INPP5A: variants seen among roughly 807,000 people sequenced by gnomAD.
INPP5A encodes 43 kDa inositol polyphosphate 5-phophatase.
A neutral mutation model predicts 65.2 loss-of-function variants in INPP5A; 14 were observed. The observed-to-expected ratio is 0.21, with a 90% CI of 0.14 to 0.34. INPP5A has a LOEUF of 0.34. Among genes scored for constraint, INPP5A ranks in the 10% least tolerant of loss-of-function variants. The pLI, the probability that INPP5A is intolerant of heterozygous loss-of-function variation, is 1.00. For missense variants in INPP5A, 431 were observed against 545.6 expected (o/e 0.79, Z 2.09); for synonymous variants, 207 against 208.3 (o/e 0.99, Z 0.05).
chr10:132,680,286 A>G (rs1177511195), intron 4 of INPP5A, among the ~76,000 whole-genome samples: 1 of 152,236 alleles, frequency 6.6e-6, no homozygotes, highest in Non-Finnish European at 1.5e-5. Context: ...TGAGTCAGAA[A>G]GGGGTTTGAA....
intron 5 of INPP5A, among the ~76,000 whole-genome samples, chr10:132,694,259 C>T (rs1335028685): frequency 6.6e-6 from 1 of 152,136 alleles, no homozygotes; most frequent in African/African-American, 2.4e-5. Flanking sequence ...GAACATTAAA[C>T]AACACATATC....
At chr10:132,751,804 T>C (rs1279847277) in intron 11 of INPP5A, among the ~76,000 whole-genome samples, 17 of 123,824 alleles carry the variant, frequency 1.4e-4, no homozygotes, top group South Asian at 2.8e-4. Flanking sequence ...GCCCAGGAGG[T>C]GTCTGGGTGG....
At chr10:132,673,790 T>C (rs1351861969) in intron 4 of INPP5A, among the ~76,000 whole-genome samples, 1 of 152,244 alleles carries the variant, frequency 6.6e-6, no homozygotes, top group African/African-American at 2.4e-5. Context: ...ACCTCTGCCC[T>C]TCCCATGATG....
At chr10:132,681,124 G>C (rs898223360) in intron 4 of INPP5A, among the ~76,000 whole-genome samples, 14 of 152,260 alleles carry the variant, frequency 9.2e-5, no homozygotes, top group African/African-American at 3.4e-4. Context: ...TCCTGAGTCT[G>C]GTGGGGACGT....
chr10:132,725,157 G>A (rs926379178), intron 8 of INPP5A, among the ~76,000 whole-genome samples: 7 of 152,214 alleles, frequency 4.6e-5, no homozygotes, highest in African/African-American at 7.2e-5. Flanking sequence ...AGGTGAAATC[G>A]GGAGAAAATG....
intron 12 of INPP5A, among the ~76,000 whole-genome samples, chr10:132,770,506 T>A (rs1261327872): frequency 6.6e-6 from 1 of 152,222 alleles, no homozygotes; most frequent in Non-Finnish European, 1.5e-5. Context: ...GTGAAGAGAC[T>A]GCATCATTCA....
At chr10:132,728,037 G>A (rs1846016141) in intron 9 of INPP5A, among the ~76,000 whole-genome samples, 1 of 152,214 alleles carries the variant, frequency 6.6e-6, no homozygotes, top group South Asian at 2.1e-4. Flanking sequence ...CTTGTGGTTG[G>A]CAGAAATGAG....
intron 2 of INPP5A, among the ~76,000 whole-genome samples, chr10:132,623,567 C>A (rs2072136023): frequency 6.6e-6 from 1 of 152,078 alleles, no homozygotes; most frequent in Non-Finnish European, 1.5e-5. Context: ...AAGAGAAAAT[C>A]TTTTTGACCT....
intron 1 of INPP5A, among the ~76,000 whole-genome samples, chr10:132,586,368 AC>A (rs1484212538): frequency 6.6e-6 from 1 of 152,186 alleles, no homozygotes; most frequent in Non-Finnish European, 1.5e-5. Context: ...GGCTCTCTGG[AC>A]CATGGGCGGG....
At position 132,547,061 on chromosome 10, in the gene INPP5A, G is replaced by A. The variant is rs2133248087; in HGVS notation, c.75+8890G>A. On this transcript the variant is annotated intron_variant, in intron 1 of 15. Coordinates refer to ENST00000368594, the MANE Select transcript of INPP5A (RefSeq NM_005539.5). The surrounding 1 kb of genome is among the most constrained non-coding windows in gnomAD (Gnocchi z 5.5). Reference sequence around the variant, plus strand: ...TTGAAGAACCCGAGACTTGGCTTTGGCCCAAGTCCCTGTGGAGAGGAAATC... The same window carrying A: ...TTGAAGAACCCGAGACTTGGCTTTGACCCAAGTCCCTGTGGAGAGGAAATC... 6.6e-6 allele frequency among the ~76,000 whole-genome samples: 1 copy of A among 152,354 alleles called. No homozygotes were observed. Among genetic ancestry groups the A allele is most frequent in the Non-Finnish European group, 1.5e-5 (1 of 68,032 alleles).
At chr10:132,714,680 C>CGTT (rs1322456543) in intron 8 of INPP5A, among the ~76,000 whole-genome samples, 1 of 151,932 alleles carries the variant, frequency 6.6e-6, no homozygotes, top group East Asian at 1.9e-4. Flanking sequence ...ACCTTCGCAC[C>CGTT]GTTGCTCTAA....
chr10:132,714,581 G>C (rs1845707200), intron 8 of INPP5A, among the ~76,000 whole-genome samples: 1 of 152,178 alleles, frequency 6.6e-6, no homozygotes, highest in Non-Finnish European at 1.5e-5. Flanking sequence ...TATCAGCTGC[G>C]GGGCCGGCAG....
chr10:132,721,479 T>G (rs1222436944), intron 8 of INPP5A, among the ~76,000 whole-genome samples: 12 of 151,766 alleles, frequency 7.9e-5, no homozygotes, highest in Admixed American at 7.9e-4. Flanking sequence ...TAGACGGCTG[T>G]CTTCAGGGTT....
intron 4 of INPP5A, among the ~76,000 whole-genome samples, chr10:132,687,488 CCTT>C (rs1342782769): frequency 6.6e-6 from 1 of 152,274 alleles, no homozygotes; most frequent in African/African-American, 2.4e-5. Flanking sequence ...GGTTCTCCCA[CCTT>C]CTGGCTTTCC....
intron 2 of INPP5A, among the ~76,000 whole-genome samples, chr10:132,629,157 C>T (rs1031208930): frequency 5.3e-5 from 8 of 152,170 alleles, no homozygotes; most frequent in African/African-American, 1.7e-4. Context: ...GGCTGCCTGA[C>T]GTGTGTCCCC....
At chr10:132,552,216 G>A (rs1169802495) in intron 1 of INPP5A, among the ~76,000 whole-genome samples, 15 of 137,706 alleles carry the variant, frequency 1.1e-4, no homozygotes, top group Admixed American at 1.4e-4. Flanking sequence ...CATATTGAGT[G>A]GGATAGGGAG....
At position 132,636,218 on chromosome 10, in the gene INPP5A, G is replaced by T. The variant is rs576691824; in HGVS notation, c.118-9650G>T. Among the ~76,000 whole-genome samples, 4 of 151,360 alleles carry T rather than the reference G, an allele frequency of 2.6e-5. No homozygotes were observed. The East Asian group carries it at 7.8e-4, about 29-fold the overall frequency. ...TCTATACCACACACATATATGCAATGTAATATTCGGCCATAAAAAGAATGA... is the reference window on the plus strand; with the variant it reads ...TCTATACCACACACATATATGCAATTTAATATTCGGCCATAAAAAGAATGA... On this transcript the variant is annotated intron_variant, in intron 2 of 15. Transcript: ENST00000368594.
At chr10:132,771,434 C>T (rs1846945672) in intron 12 of INPP5A, among the ~76,000 whole-genome samples, 1 of 152,246 alleles carries the variant, frequency 6.6e-6, no homozygotes, top group Admixed American at 6.5e-5. Flanking sequence ...CCTTGGGCAG[C>T]TTTTGCCACA....
intron 14 of INPP5A, among the ~76,000 whole-genome samples, chr10:132,781,429 A>G (rs988350575): frequency 1.3e-5 from 2 of 152,184 alleles, no homozygotes; most frequent in Non-Finnish European, 2.9e-5. Context: ...CAGCCAATAA[A>G]TGAGTTAGCT....
Sources: gnomAD v4.1 joint callset for allele counts (sites outside exome capture counted in the v4.1 genomes callset) on GRCh38, gnomAD v4.1.1 for gene constraint, Gnocchi (gnomAD v3.1) non-coding constraint, MANE v1.5 for transcripts, NCBI Gene and HGNC (gene_info 2026-07-23, HGNC 2026-07-21) for gene names.